The following FTCDNL1 variants were observed in gnomAD, a reference collection of about 807,000 sequenced individuals.
The protein encoded by FTCDNL1 is formiminotransferase N-terminal subdomain-containing protein.
A neutral mutation model predicts 5.9 loss-of-function variants in FTCDNL1; 11 were observed. The ratio of observed to expected loss-of-function variants is 1.87; its 90% CI spans 1.18 to 3.10. FTCDNL1 has a LOEUF of 3.10. Among genes scored for constraint, FTCDNL1 ranks in the 30% most tolerant of loss-of-function variants. The probability of loss-of-function intolerance (pLI) is 0.00; values close to 1 mark genes in which losing one functional copy is unlikely to be tolerated. For missense variants in FTCDNL1, 115 were observed against 65.5 expected, an observed-to-expected ratio of 1.76 and a Z score of -2.61; for synonymous variants, 58 against 24.8, an observed-to-expected ratio of 2.34 and a Z score of -3.99.
rs201688832 is a variant in FTCDNL1 at position 199,809,565 on chromosome 2, CATT to C, written c.*3137_*3139del. On this transcript the variant is annotated 3_prime_UTR_variant, in exon 5 of 5. Transcript: ENST00000420128. ...CTAAGGATTTAATTAAAATTGCCAT[CATT>C]GACACATAGCTTCTTTTAGTATACA... 0.03 allele frequency among the ~76,000 whole-genome samples: 4,595 copies of C among 152,244 alleles called. 123 individuals carry two copies. Among genetic ancestry groups the C allele is most frequent in the Admixed American group, 0.072 (1,100 of 15,272 alleles).
chr2:199,686,802 A>C, the FTCDNL1 span, among the ~76,000 whole-genome samples: 1 of 152,190 alleles, frequency 6.6e-6, no homozygotes, highest in African/African-American at 2.4e-5. Context: ...GCAATATACT[A>C]TGCAAGTGCT....
At chr2:199,712,383 G>A in the FTCDNL1 span, among the ~76,000 whole-genome samples, 4,960 of 152,138 alleles carry the variant, frequency 0.033, 261 homozygotes, top group African/African-American at 0.11. Flanking sequence ...CTTTTTATGT[G>A]CAAAAATATA....
chr2:199,782,608 T>TG (rs1252516157), intron 3 of FTCDNL1, among the ~76,000 whole-genome samples: 1 of 152,200 alleles, frequency 6.6e-6, no homozygotes, highest in African/African-American at 2.4e-5. Flanking sequence ...ACTAGAGAGA[T>TG]GCTCACCCAG....
chr2:199,702,711 A>G, the FTCDNL1 span, among the ~76,000 whole-genome samples: 1 of 152,328 alleles, frequency 6.6e-6, no homozygotes, highest in Admixed American at 6.5e-5. Context: ...CAAATGCATA[A>G]AAACATGTAT....
intron 3 of FTCDNL1, among the ~76,000 whole-genome samples, chr2:199,824,312 G>C (rs886642311): frequency 1.5e-4 from 23 of 152,232 alleles, no homozygotes; most frequent in African/African-American, 5.5e-4. Flanking sequence ...TCACAGAATA[G>C]AGGAAGAATT....
intron 3 of FTCDNL1, among the ~76,000 whole-genome samples, chr2:199,836,975 C>G (rs941474305): frequency 1.3e-5 from 2 of 152,302 alleles, no homozygotes; most frequent in South Asian, 2.1e-4. Context: ...ACTCACACTG[C>G]AGGTTGTAGC....
chr2:199,818,361 T>C (rs1559216808), intron 4 of FTCDNL1: 1 of 152,230 alleles, frequency 6.6e-6, no homozygotes, highest in African/African-American at 2.4e-5. Flanking sequence ...TTGAATGAAA[T>C]ACATTTGTAA....
chr2:199,739,230 G>A, the FTCDNL1 span, among the ~76,000 whole-genome samples: 1 of 151,930 alleles, frequency 6.6e-6, no homozygotes, highest in Admixed American at 6.6e-5. Context: ...TTGAATGCTG[G>A]TTCCTGCCTC....
chr2:199,696,550 C>A, the FTCDNL1 span, among the ~76,000 whole-genome samples: 1 of 152,036 alleles, frequency 6.6e-6, no homozygotes, highest in Admixed American at 6.6e-5. Context: ...TGAGCCTTGG[C>A]CACCTGAAAT....
chr2:199,674,811 C>T, the FTCDNL1 span, among the ~76,000 whole-genome samples: 1 of 152,110 alleles, frequency 6.6e-6, no homozygotes, highest in African/African-American at 2.4e-5. Context: ...TTCAAAGATT[C>T]ACTTTTAGTA....
chr2:199,813,096 T>G (rs2106462194), intron 4 of FTCDNL1, among the ~76,000 whole-genome samples: 1 of 152,308 alleles, frequency 6.6e-6, no homozygotes, highest in Admixed American at 6.5e-5. Flanking sequence ...CAAACACAAA[T>G]GCAATATTTG....
Position 199,810,613 on chromosome 2 carries a change from C to T in FTCDNL1, c.*2092G>A, listed in dbSNP as rs150474108. The stretch of plus-strand genomic sequence containing the variant: ...GCCTTTCCCTGTCTCAGGGATGGTG[C>T]GGCTCACATTACATAAATAGCGTGG... On this transcript the variant is annotated 3_prime_UTR_variant, in exon 5 of 5. Coordinates refer to ENST00000420128, the MANE Select transcript of FTCDNL1 (RefSeq NM_001363886.2). 3.2e-4 allele frequency among the ~76,000 whole-genome samples: 49 copies of T among 152,296 alleles called. No homozygotes were observed. The East Asian group carries it at 7.5e-3, about 23-fold the overall frequency.
intron 3 of FTCDNL1, among the ~76,000 whole-genome samples, chr2:199,837,648 C>T (rs781636294): frequency 8.5e-5 from 13 of 152,052 alleles, no homozygotes; most frequent in Admixed American, 2.6e-4. Flanking sequence ...TGGCACACAT[C>T]CTCCAAGTCA....
intron 3 of FTCDNL1, among the ~76,000 whole-genome samples, chr2:199,780,954 C>A (rs541106361): frequency 6.6e-6 from 1 of 152,328 alleles, no homozygotes; most frequent in South Asian, 2.1e-4. Flanking sequence ...CTAACCCATA[C>A]TGCCTAGAAT....
chr2:199,743,058 G>A, the FTCDNL1 span, among the ~76,000 whole-genome samples: 1 of 152,212 alleles, frequency 6.6e-6, no homozygotes, highest in Non-Finnish European at 1.5e-5. Flanking sequence ...CTCCAACTAA[G>A]CTCCTGCTGT....
At chr2:199,774,898 T>C (rs1174461112) in intron 3 of FTCDNL1, among the ~76,000 whole-genome samples, 1 of 152,214 alleles carries the variant, frequency 6.6e-6, no homozygotes, top group Non-Finnish European at 1.5e-5. Context: ...GGGCATGAGA[T>C]TGCAGTCCAC....
At chr2:199,687,292 T>A in the FTCDNL1 span, among the ~76,000 whole-genome samples, 3 of 152,244 alleles carry the variant, frequency 2.0e-5, no homozygotes, top group Admixed American at 1.3e-4. Flanking sequence ...AATACTCTGG[T>A]AAGCCTTGGT....
At chr2:199,794,952 C>T (rs1392871098) in intron 3 of FTCDNL1, among the ~76,000 whole-genome samples, 1 of 152,148 alleles carries the variant, frequency 6.6e-6, no homozygotes, top group Admixed American at 6.5e-5. Flanking sequence ...GCACCTTACC[C>T]TCTTGAAGAG....
intron 3 of FTCDNL1, among the ~76,000 whole-genome samples, chr2:199,761,850 C>T (rs1306876548): frequency 6.6e-6 from 1 of 152,178 alleles, no homozygotes; most frequent in Non-Finnish European, 1.5e-5. Flanking sequence ...TCACTTACCT[C>T]CTCAGAAGCC....
Sources: allele counts gnomAD v4.1 joint callset (sites outside exome capture counted in the v4.1 genomes callset), GRCh38; gene constraint gnomAD v4.1.1; transcripts MANE v1.5; gene names NCBI Gene and HGNC (gene_info 2026-07-23, HGNC 2026-07-21).